Variants in PRH1 observed in about 807,000 individuals in gnomAD.
PRH1 encodes the protein proline rich protein HaeIII subfamily 1.
Under a neutral mutation model 7.9 loss-of-function variants are expected in PRH1, and 7 were observed. The observed-to-expected ratio is 0.89, with a 90% CI of 0.50 to 1.67. PRH1 has a LOEUF of 1.67. Among genes scored for constraint, PRH1 ranks in the 40% most tolerant of loss-of-function variants. The pLI, the probability that PRH1 is intolerant of heterozygous loss-of-function variation, is 0.00. For missense variants in PRH1, 109 were observed against 223.6 expected (o/e 0.49, Z 3.27); for synonymous variants, 45 against 80.8 (o/e 0.56, Z 2.38).
intron 1 of PRH1, among the ~76,000 whole-genome samples, chr12:11,147,361 T>C (rs963890016): frequency 2.6e-5 from 4 of 152,110 alleles, no homozygotes; most frequent in Non-Finnish European, 5.9e-5. Flanking sequence ...CTAATTTTTG[T>C]ATTTTTAGTA....
chr12:11,070,569 C>T (rs1267993353), intron 1 of PRH1, among the ~76,000 whole-genome samples: 1 of 152,160 alleles, frequency 6.6e-6, no homozygotes, highest in Non-Finnish European at 1.5e-5. Context: ...TTCTTTCCTG[C>T]TCTCTTTTTA....
intron 1 of PRH1, among the ~76,000 whole-genome samples, chr12:11,136,158 C>G: frequency 6.6e-6 from 1 of 152,068 alleles, no homozygotes; most frequent in East Asian, 1.9e-4. Flanking sequence ...ATTTTCTTCA[C>G]ACTTTACCAA....
intron 1 of PRH1, chr12:11,133,725 G>A: frequency 6.2e-7 from 1 of 1,614,080 alleles, no homozygotes; most frequent in Non-Finnish European, 8.5e-7. Context: ...ATATTTGAAT[G>A]GTACATTGCA....
chr12:11,048,783 A>AT (rs1943017560), upstream of PRH1: 2 of 298,758 alleles, frequency 6.7e-6, no homozygotes, highest in Admixed American at 3.8e-5. Context: ...AATTTCCTTC[A>AT]TATTCTTTTG....
chr12:11,153,474 G>T (rs372905771), intron 1 of PRH1, among the ~76,000 whole-genome samples: 2 of 152,130 alleles, frequency 1.3e-5, no homozygotes, highest in East Asian at 1.9e-4. Context: ...ATTGGGGTGG[G>T]CCTGTAATGG....
At chr12:11,133,090 A>AT in intron 1 of PRH1, 1 of 614,722 alleles carries the variant, frequency 1.6e-6, no homozygotes. Flanking sequence ...AATAAAAAGC[A>AT]TGTTATTGTC....
At chr12:10,905,712 C>T (rs1411315196) in intron 2 of PRH1, among the ~76,000 whole-genome samples, 7 of 151,682 alleles carry the variant, frequency 4.6e-5, no homozygotes, top group Middle Eastern at 3.2e-3. Context: ...TATATATAGA[C>T]CATAGAATAC....
rs545733119 is a variant in PRH1 at position 11,024,274 on chromosome 12, A to C, written c.-126+22746T>G. ...AGACTGCACACTTAGAAATGAACCA[A>C]AACAAAAATGGAAAACATAGCAATG... On this transcript the variant is annotated intron_variant, in intron 1 of 3. Coordinates refer to the PRH1 transcript ENST00000539853. Among the ~76,000 whole-genome samples the C allele has an allele frequency of 1.8e-4, 28 of 152,348 alleles. No individual in the cohort carries two copies. The South Asian group carries it at 5.2e-3, about 28-fold the overall frequency.
At chr12:11,137,955 T>C (rs1421655343) in intron 1 of PRH1, among the ~76,000 whole-genome samples, 1 of 148,170 alleles carries the variant, frequency 6.7e-6, no homozygotes, top group African/African-American at 2.5e-5. Flanking sequence ...AATATTATTC[T>C]TCTTCATGGC....
intron 1 of PRH1, chr12:11,061,884 C>G (rs1338932356): frequency 3.1e-6 from 5 of 1,613,860 alleles, no homozygotes; most frequent in Non-Finnish European, 3.4e-6. Context: ...CCAAAAATAG[C>G]AAAGGCCCCA....
chr12:10,914,174 A>T (rs1235490195), intron 2 of PRH1, among the ~76,000 whole-genome samples: 1 of 152,234 alleles, frequency 6.6e-6, no homozygotes, highest in Non-Finnish European at 1.5e-5. Context: ...GGTAAATCAC[A>T]TATTTGAAAG....
rs112094611 is a variant in PRH1, at chr12:10,882,825, C to G, written c.101-127G>C. 6.0e-4 allele frequency: 895 copies of G among 1,489,676 alleles called. 1 individual carries two copies. Among genetic ancestry groups the G allele is most frequent in the Non-Finnish European group, 7.4e-4 (822 of 1,109,578 alleles). The allele number at this position is 1,489,676 out of a possible 1,614,324, so 92.3% of individuals were successfully genotyped here. ...CTGCCTCTCAACTCCCAACCTCCCC[C>G]CTTCCCAAGGCTTCCTAATTAGAAC... is the stretch of plus-strand genomic sequence containing the variant. On this transcript the variant is annotated intron_variant, in intron 2 of 3. Coordinates refer to ENST00000543626, the MANE Select transcript of PRH1 (RefSeq NM_001393989.1).
In PRH1 at chr12:10,961,099, C is replaced by T. The variant is rs1938216215; in HGVS notation, c.-59+12556G>A. Among the ~76,000 whole-genome samples the T allele has an allele frequency of 3.3e-5, 5 of 152,276 alleles. No individual in the cohort carries two copies. In the South Asian group the frequency reaches 1.0e-3, roughly 32 times the overall value. On this transcript the variant is annotated intron_variant, in intron 2 of 3. Transcript: ENST00000539853. ...GCTCTGCCCGTTGTGCCAGATGATC[C>T]AGCAGAATTCAAACATGCTAGAGGC...
Position 11,030,589 on chromosome 12 carries a change from A to G in PRH1, c.-126+16431T>C, listed in dbSNP as rs773697301. The G allele has an allele frequency of 8.1e-6, 13 of 1,614,254 alleles. No individual in the cohort carries two copies. In the East Asian group the frequency reaches 2.2e-4, roughly 28 times the overall value. ...TGTTTTCCAGACTCCCAAAACTCCA[A>G]ACTGATATCATTATGGACAGAAAGT... On this transcript the variant is annotated intron_variant, in intron 1 of 3. Coordinates refer to the PRH1 transcript ENST00000539853.
intron 2 of PRH1, among the ~76,000 whole-genome samples, chr12:10,950,165 CATT>C: frequency 6.6e-6 from 1 of 151,990 alleles, no homozygotes; most frequent in African/African-American, 2.4e-5. Context: ...CACTGATGGA[CATT>C]TGGGAGACTT....
intron 1 of PRH1, among the ~76,000 whole-genome samples, chr12:11,046,851 T>C (rs560818926): frequency 4.6e-4 from 70 of 152,162 alleles, no homozygotes; most frequent in Non-Finnish European, 9.3e-4. Context: ...GTTTTACAAC[T>C]TAGTCTACAG....
upstream of PRH1, among the ~76,000 whole-genome samples, chr12:11,050,185 C>T (rs1160959681): frequency 6.6e-6 from 1 of 152,124 alleles, no homozygotes; most frequent in East Asian, 1.9e-4. Context: ...GTCTCACAGC[C>T]TTCAGAGCTG....
At chr12:11,123,639 T>A (rs1251070561) in intron 1 of PRH1, among the ~76,000 whole-genome samples, 1 of 152,154 alleles carries the variant, frequency 6.6e-6, no homozygotes, top group Non-Finnish European at 1.5e-5. Flanking sequence ...TTTTCTCTCC[T>A]CTAATCTTAC....
intron 2 of PRH1, among the ~76,000 whole-genome samples, chr12:10,898,261 C>G (rs1949676597): frequency 6.6e-6 from 1 of 152,076 alleles, no homozygotes; most frequent in Non-Finnish European, 1.5e-5. Context: ...TAGTGACATT[C>G]AAAACCAATG....
Sources: gnomAD v4.1 joint callset for allele counts (sites outside exome capture counted in the v4.1 genomes callset) on GRCh38, gnomAD v4.1.1 for gene constraint, MANE v1.5 for transcripts, NCBI Gene and HGNC (gene_info 2026-07-23, HGNC 2026-07-21) for gene names.